SMARCA2: variants seen among roughly 807,000 people sequenced by gnomAD.
The protein encoded by SMARCA2 is SWI/SNF related BAF chromatin remodeling complex subunit ATPase 2.
SMARCA2 carries 61 observed loss-of-function variants against 199.8 expected under a neutral mutation model. That is an observed-to-expected ratio of 0.31 (90% CI 0.25 to 0.38). The LOEUF (loss-of-function observed/expected upper bound fraction) is 0.38, where lower values mean the gene tolerates loss of function less well. Ranked by LOEUF, SMARCA2 falls within the 10% of genes least tolerant of loss-of-function variation. The pLI is 1.00. For synonymous variants in SMARCA2, 935 were observed against 732.0 expected, an observed-to-expected ratio of 1.28 and a Z score of -4.48; for missense variants, 1,344 against 2,012.2, an observed-to-expected ratio of 0.67 and a Z score of 6.35.
At chr9:2,103,902 T>C (rs1822640746) in intron 22 of SMARCA2, 101 bp from the exon 23 acceptor site, 2 of 861,262 alleles carry the variant, frequency 2.3e-6, no homozygotes, top group Non-Finnish European at 3.7e-6. Context: ...ATTGAATGTT[T>C]ACAGTGTACA....
In SMARCA2 at chr9:2,182,478, C is replaced by CTTTTTTTT. The variant is rs145095906; in HGVS notation, c.4461+256_4461+263dup. On this transcript the variant is annotated intron_variant, in intron 31 of 33. Transcript: ENST00000349721. Reference sequence around the variant, plus strand: ...CACACTTCTTTTCAAAGCTTATAGTCTTTTTTTTTTTTTTTTTTTTTTTTT... The same window carrying CTTTTTTTT: ...CACACTTCTTTTCAAAGCTTATAGTCTTTTTTTTTTTTTTTTTTTTTTTTTTTTTTTTT... Among the ~76,000 whole-genome samples, 85 of 96,710 alleles carry CTTTTTTTT rather than the reference C, an allele frequency of 8.8e-4. 1 individual carries two copies. The highest frequency in any genetic ancestry group is 1.1e-3 in the Non-Finnish European group (55 of 49,898). 63.4% of individuals were successfully genotyped at this position (96,710 alleles called of 152,430 possible).
At chr9:2,060,781 A>G (rs2130363309) in intron 8 of SMARCA2, 35 bp from the exon 9 acceptor site, 4 of 1,605,276 alleles carry the variant, frequency 2.5e-6, no homozygotes, top group Middle Eastern at 1.7e-4. Context: ...GCACGCTTAT[A>G]TTATGCTCTC....
At chr9:2,026,335 G>A (rs563282776) in intron 1 of SMARCA2, among the ~76,000 whole-genome samples, 7 of 152,212 alleles carry the variant, frequency 4.6e-5, no homozygotes, top group Admixed American at 1.3e-4. Flanking sequence ...TATATAACAC[G>A]TTCCTATATT....
chr9:2,136,234 C>T (rs1397950686), intron 27 of SMARCA2, among the ~76,000 whole-genome samples: 1 of 145,552 alleles, frequency 6.9e-6, no homozygotes, highest in Non-Finnish European at 1.5e-5. Context: ...GTTGCCCCGG[C>T]TGGAGTGCAG....
chr9:2,170,389 G>T lies in SMARCA2; in HGVS notation c.4200-30G>T, dbSNP rs202242969. ...GCGGGGACGAGAACCCAGGTCTTCTGACTCTAGTGTTCTTTCTACTCTACC... is the reference window on the plus strand; with the variant it reads ...GCGGGGACGAGAACCCAGGTCTTCTTACTCTAGTGTTCTTTCTACTCTACC... On this transcript the variant is annotated intron_variant, in intron 28 of 33. Coordinates refer to ENST00000349721, the MANE Select transcript of SMARCA2 (RefSeq NM_003070.5). The surrounding 1 kb of genome is among the most constrained non-coding windows in gnomAD (Gnocchi z 4.7). 1 of 1,613,872 alleles carries T rather than the reference G, an allele frequency of 6.2e-7. No homozygotes were observed. The highest frequency in any genetic ancestry group is 8.5e-7 in the Non-Finnish European group (1 of 1,179,856).
chr9:2,061,170 A>G (rs1820574953), intron 9 of SMARCA2, among the ~76,000 whole-genome samples, 184 bp downstream of exon 9: 1 of 152,192 alleles, frequency 6.6e-6, no homozygotes, highest in South Asian at 2.1e-4. Context: ...CAACTATTGG[A>G]GGTAAGGGCA....
intron 27 of SMARCA2, among the ~76,000 whole-genome samples, chr9:2,146,881 C>T (rs144232577): frequency 0.012 from 1,753 of 152,254 alleles, 39 homozygotes; most frequent in African/African-American, 0.04. Flanking sequence ...TGGCTGGCTT[C>T]TGTACTGCAA....
At chr9:2,080,713 A>G (rs1312382115) in intron 14 of SMARCA2, among the ~76,000 whole-genome samples, 2 of 152,204 alleles carry the variant, frequency 1.3e-5, no homozygotes, top group Non-Finnish European at 2.9e-5. Context: ...GCATGGTACA[A>G]AGTATCTCAA....
intron 27 of SMARCA2, among the ~76,000 whole-genome samples, chr9:2,153,119 G>C (rs1010133666): frequency 1.3e-5 from 2 of 152,134 alleles, no homozygotes; most frequent in African/African-American, 4.8e-5. Context: ...ACATGGAAAT[G>C]GCAAAGGATA....
At chr9:2,070,124 C>A (rs964347511) in intron 9 of SMARCA2, among the ~76,000 whole-genome samples, 53 of 152,346 alleles carry the variant, frequency 3.5e-4, no homozygotes, top group African/African-American at 1.3e-3. Context: ...ATTCTGACCA[C>A]TGTCTTGATA....
At chr9:2,081,729 T>TAA (rs765853326) in intron 14 of SMARCA2, 103 bp from the exon 15 acceptor site, 26 of 968,338 alleles carry the variant, frequency 2.7e-5, no homozygotes, top group Non-Finnish European at 3.9e-5. Flanking sequence ...AAACCCAACA[T>TAA]ACAGCAGTGA....
chr9:2,191,588 TG>T, intron 33 of SMARCA2, 180 bp downstream of exon 33: 1 of 580,370 alleles, frequency 1.7e-6, no homozygotes, highest in Non-Finnish European at 2.9e-6. Context: ...AACAAAGGAT[TG>T]GGGGCTTTGT....
At chr9:2,065,396 G>A (rs1820795105) in intron 9 of SMARCA2, among the ~76,000 whole-genome samples, 3 of 152,152 alleles carry the variant, frequency 2.0e-5, no homozygotes, top group Non-Finnish European at 4.4e-5. Context: ...ACCAGATATA[G>A]TCTTCATTGG....
At chr9:2,083,675 C>T (rs1270702170) in intron 16 of SMARCA2, among the ~76,000 whole-genome samples, 1 of 152,196 alleles carries the variant, frequency 6.6e-6, no homozygotes, top group East Asian at 1.9e-4. Flanking sequence ...ACAAATATCA[C>T]ACATTCTGCG....
At chr9:2,019,135 A>C (rs1252091825) in intron 1 of SMARCA2, among the ~76,000 whole-genome samples, 1 of 149,016 alleles carries the variant, frequency 6.7e-6, no homozygotes, top group African/African-American at 2.5e-5. Context: ...CGGTAGACTG[A>C]GGGGAAAAAA....
intron 1 of SMARCA2, among the ~76,000 whole-genome samples, chr9:2,020,985 T>C (rs1041573168): frequency 6.6e-6 from 1 of 152,204 alleles, no homozygotes; most frequent in Admixed American, 6.5e-5. Context: ...AATTAGGATA[T>C]TTTATTAGAT....
chr9:2,082,519 A>G (rs1821611981), intron 15 of SMARCA2, among the ~76,000 whole-genome samples: 1 of 152,210 alleles, frequency 6.6e-6, no homozygotes, highest in Non-Finnish European at 1.5e-5. Context: ...TAGTAAGGAC[A>G]GGAGTTTGCT....
intron 29 of SMARCA2, among the ~76,000 whole-genome samples, chr9:2,175,389 T>G (rs752425326): frequency 2.7e-5 from 4 of 148,252 alleles, no homozygotes; most frequent in Admixed American, 6.8e-5. Context: ...TAGTAATAAA[T>G]GCAATGGGAG....
Position 2,117,444 on chromosome 9 carries a change from A to C in SMARCA2, c.3684+1395A>C, listed in dbSNP as rs574986793. On this transcript the variant is annotated intron_variant, in intron 25 of 33. Coordinates refer to ENST00000349721, the MANE Select transcript of SMARCA2 (RefSeq NM_003070.5). ...TTATAGTTTCTGATTCTAGAAATTGAATATTTGATACAGATATGGAGTCAA... is the reference window on the plus strand; with the variant it reads ...TTATAGTTTCTGATTCTAGAAATTGCATATTTGATACAGATATGGAGTCAA... Among the ~76,000 whole-genome samples the C allele has an allele frequency of 2.0e-3, 299 of 152,338 alleles. 1 individual carries two copies. The highest frequency in any genetic ancestry group is 3.6e-3 in the Non-Finnish European group (246 of 68,036).
Sources: allele counts gnomAD v4.1 joint callset (sites outside exome capture counted in the v4.1 genomes callset), GRCh38; gene constraint gnomAD v4.1.1; non-coding constraint Gnocchi (gnomAD v3.1); transcripts MANE v1.5; gene names NCBI Gene and HGNC (gene_info 2026-07-23, HGNC 2026-07-21).